The following HIBCH variants were observed in gnomAD, a reference collection of about 807,000 sequenced individuals.
HIBCH encodes the protein 3-hydroxyisobutyryl-CoA hydrolase, mitochondrial.
In HIBCH, 50 loss-of-function variants were observed where a neutral mutation model predicts 58.2. The observed-to-expected ratio is 0.86, with a 90% CI of 0.68 to 1.09. HIBCH has a LOEUF of 1.09. HIBCH is among the 50% of genes least tolerant of loss of function. The pLI, the probability that HIBCH is intolerant of heterozygous loss-of-function variation, is 0.00. For synonymous variants in HIBCH, 151 were observed against 146.9 expected, an observed-to-expected ratio of 1.03 and a Z score of -0.20; for missense variants, 450 against 449.7, an observed-to-expected ratio of 1.00 and a Z score of -0.01.
chr2:190,190,364 T>C (rs527919669), intron 1 of HIBCH, among the ~76,000 whole-genome samples: 3 of 152,354 alleles, frequency 2.0e-5, no homozygotes, highest in East Asian at 3.9e-4. Flanking sequence ...TCCATGTGGT[T>C]TGACATACCA....
At chr2:190,256,467 A>G (rs895329153) in intron 7 of HIBCH, among the ~76,000 whole-genome samples, 3 of 151,690 alleles carry the variant, frequency 2.0e-5, no homozygotes, top group African/African-American at 7.3e-5. Context: ...AATAATAATA[A>G]TAAATCTTAC....
chr2:190,231,246 C>T (rs11683636), intron 11 of HIBCH, among the ~76,000 whole-genome samples: 29,948 of 152,066 alleles, frequency 0.2, 3,233 homozygotes, highest in East Asian at 0.32. Flanking sequence ...AACAAAAAAG[C>T]AGTAACTAGA....
At position 190,293,386 on chromosome 2, in the gene HIBCH, G is replaced by A. The variant is rs184216172; in HGVS notation, c.304+1160C>T. Among the ~76,000 whole-genome samples the A allele has an allele frequency of 8.2e-4, 124 of 152,096 alleles. 1 individual carries two copies. Among genetic ancestry groups the A allele is most frequent in the African/African-American group, 2.9e-3 (122 of 41,456 alleles). The stretch of plus-strand genomic sequence containing the variant: ...GAGAATTGTTTGAACCTGGGAGGTG[G>A]AGGTTGCAGCGAGCAGAGATCACGT... On this transcript the variant is annotated intron_variant, in intron 4 of 13. Transcript: ENST00000359678.
intron 11 of HIBCH, among the ~76,000 whole-genome samples, chr2:190,242,579 T>C (rs1475762055): frequency 6.6e-6 from 1 of 152,184 alleles, no homozygotes; most frequent in Non-Finnish European, 1.5e-5. Context: ...TGAGCTTTGA[T>C]GCTGATGGCC....
chr2:190,270,143 G>A (rs1687350513), intron 6 of HIBCH, among the ~76,000 whole-genome samples: 2 of 151,972 alleles, frequency 1.3e-5, no homozygotes, highest in Non-Finnish European at 1.5e-5. Flanking sequence ...TAGATGACGG[G>A]TTGACAGGTG....
chr2:190,253,912 C>T (rs751373552), intron 7 of HIBCH, among the ~76,000 whole-genome samples: 21 of 152,116 alleles, frequency 1.4e-4, no homozygotes, highest in South Asian at 4.1e-4. Flanking sequence ...CCTGACAACA[C>T]GTTCTTCTCT....
chr2:190,261,025 C>A (rs926679809), intron 7 of HIBCH, 131 bp downstream of exon 7: 4 of 712,736 alleles, frequency 5.6e-6, no homozygotes, highest in African/African-American at 5.4e-5. Flanking sequence ...TATTTAATTT[C>A]TTTTTTAAAA....
At chr2:190,264,555 T>C (rs1466999752) in intron 6 of HIBCH, among the ~76,000 whole-genome samples, 9 of 152,338 alleles carry the variant, frequency 5.9e-5, no homozygotes, top group Non-Finnish European at 1.2e-4. Context: ...TCACAGAATA[T>C]ATATTACTAT....
Position 190,296,881 on chromosome 2 carries a change from G to A in HIBCH, c.151C>T (p.Leu51=). 6.2e-7 allele frequency: 1 copy of A among 1,613,716 alleles called. No homozygotes were observed. The highest frequency in any genetic ancestry group is 8.5e-7 in the Non-Finnish European group (1 of 1,179,654). Reference sequence around the variant, plus strand: ...GCATTGAGGAACTTTGGTCTGTTTAGTGTTATGACTCCCGTGCAACCTTTT... The same window carrying A: ...GCATTGAGGAACTTTGGTCTGTTTAATGTTATGACTCCCGTGCAACCTTTT... ...EKKGCTGVIT[L]NRPKFLNALT... is the part of the protein sequence containing the mutation. Residue 51 remains leucine, a synonymous_variant, in exon 3 of 14, where the codon CTA becomes TTA. Coordinates refer to ENST00000359678, the MANE Select transcript of HIBCH (RefSeq NM_014362.4).
At chr2:190,312,854 T>G (rs1272285858) in intron 1 of HIBCH, among the ~76,000 whole-genome samples, 2 of 152,178 alleles carry the variant, frequency 1.3e-5, no homozygotes, top group African/African-American at 2.4e-5. Flanking sequence ...ATCCCAGCAC[T>G]TTGGGAGGCC....
At chr2:190,294,022 G>GTATATATATATATATA (rs1553505756) in intron 4 of HIBCH, among the ~76,000 whole-genome samples, 42 of 82,994 alleles carry the variant, frequency 5.1e-4, no homozygotes, top group African/African-American at 1.6e-3. Context: ...TATTTTGTGT[G>GTATATATATATATATA]TATATATATA....
At chr2:190,224,215 C>T (rs13416673) in intron 11 of HIBCH, among the ~76,000 whole-genome samples, 43,429 of 152,058 alleles carry the variant, frequency 0.29, 6,843 homozygotes, top group East Asian at 0.45. Flanking sequence ...GAAGGGGCGT[C>T]GGCCATTGCT....
chr2:190,278,018 C>T (rs1178173109), intron 6 of HIBCH, among the ~76,000 whole-genome samples: 1 of 152,114 alleles, frequency 6.6e-6, no homozygotes, highest in Non-Finnish European at 1.5e-5. Flanking sequence ...ATGTGTAATA[C>T]TAAAATTCTA....
intron 2 of HIBCH, among the ~76,000 whole-genome samples, chr2:190,305,534 A>G (rs1448783539): frequency 6.6e-6 from 1 of 152,148 alleles, no homozygotes; most frequent in African/African-American, 2.4e-5. Context: ...ACCCTACTCA[A>G]TTATGACCTT....
intron 9 of HIBCH, among the ~76,000 whole-genome samples, chr2:190,246,511 G>A (rs560883745): frequency 6.6e-6 from 1 of 152,310 alleles, no homozygotes; most frequent in African/African-American, 2.4e-5. Context: ...CTGTGAATAT[G>A]TAAGGGACCT....
At chr2:190,199,560 G>GT (rs1690145975), downstream of HIBCH, 3 of 314,188 alleles carry the variant, frequency 9.5e-6, no homozygotes, top group Non-Finnish European at 1.6e-5. Flanking sequence ...TTCTTCTACT[G>GT]ATAAGATAAA....
Position 190,236,624 on chromosome 2 carries a change from T to C in HIBCH, c.891+8263A>G, listed in dbSNP as rs923576746. Among the ~76,000 whole-genome samples, 5 of 152,216 alleles carry C rather than the reference T, an allele frequency of 3.3e-5. No individual in the cohort carries two copies. Among genetic ancestry groups the C allele is most frequent in the African/African-American group, 4.8e-5 (2 of 41,474 alleles). On this transcript the variant is annotated intron_variant, in intron 11 of 13. Coordinates refer to ENST00000359678, the MANE Select transcript of HIBCH (RefSeq NM_014362.4). The surrounding 1 kb of genome is among the most constrained non-coding windows in gnomAD (Gnocchi z 4.1). ...TTAGTATATTTTCACCAATCTGAAATGTCATATTACTATATAAAGACCAAA... is the reference window on the plus strand; with the variant it reads ...TTAGTATATTTTCACCAATCTGAAACGTCATATTACTATATAAAGACCAAA...
At chr2:190,269,800 T>C (rs949589356) in intron 6 of HIBCH, among the ~76,000 whole-genome samples, 1 of 152,150 alleles carries the variant, frequency 6.6e-6, no homozygotes, top group Admixed American at 6.5e-5. Flanking sequence ...CTGTTCACAA[T>C]AGCAAAGAGT....
At chr2:190,223,562 G>T (rs1423868275) in intron 11 of HIBCH, among the ~76,000 whole-genome samples, 1 of 152,190 alleles carries the variant, frequency 6.6e-6, no homozygotes, top group Admixed American at 6.5e-5. Context: ...AATAATGGTA[G>T]AAGAAAATGT....
Sources: allele counts gnomAD v4.1 joint callset (sites outside exome capture counted in the v4.1 genomes callset), GRCh38; gene constraint gnomAD v4.1.1; non-coding constraint Gnocchi (gnomAD v3.1); transcripts MANE v1.5; gene names NCBI Gene and HGNC (gene_info 2026-07-23, HGNC 2026-07-21).